CDKL5: variants seen among roughly 807,000 people sequenced by gnomAD.
The protein encoded by CDKL5 is cyclin dependent kinase like 5.
CDKL5 carries 8 observed loss-of-function variants against 61.7 expected under a neutral mutation model. That is an observed-to-expected ratio of 0.13 (90% CI 0.08 to 0.23). The LOEUF is 0.23. Ranked by LOEUF, CDKL5 falls within the 10% of genes least tolerant of loss-of-function variation. CDKL5 has a pLI of 1.00. For synonymous variants in CDKL5, 275 were observed against 272.3 expected (o/e 1.01, Z -0.10); for missense variants, 440 against 734.5 (o/e 0.60, Z 4.63).
At chrX:18,439,045 G>GCCCC (rs367844172) in intron 1 of CDKL5, among the ~76,000 whole-genome samples, 6 of 37,478 alleles carry the variant, frequency 1.6e-4, no homozygotes, top group South Asian at 6.5e-3. Flanking sequence ...GCCCCTTTTT[G>GCCCC]CCCCCCCCCC....
chrX:18,577,148 T>C (rs921150530), intron 5 of CDKL5, among the ~76,000 whole-genome samples: 2 of 112,144 alleles, frequency 1.8e-5, no homozygotes, highest in African/African-American at 6.5e-5. Context: ...TCTTAGTTTA[T>C]CCTTTTTATT....
At chrX:18,511,582 C>G (rs1391138583) in intron 3 of CDKL5, among the ~76,000 whole-genome samples, 1 of 111,503 alleles carries the variant, frequency 9.0e-6, no homozygotes, top group Non-Finnish European at 1.9e-5. Context: ...GGTTTGTAGC[C>G]TTGAAACAAT....
chrX:18,454,029 T>G (rs576313391), intron 1 of CDKL5, among the ~76,000 whole-genome samples: 2 of 111,600 alleles, frequency 1.8e-5, no homozygotes, highest in African/African-American at 6.5e-5. Flanking sequence ...GAAGAGGTGG[T>G]TAGTATCCTT....
At chrX:18,468,726 C>T (rs1007467128) in intron 1 of CDKL5, among the ~76,000 whole-genome samples, 1 of 111,286 alleles carries the variant, frequency 9.0e-6, no homozygotes, top group Non-Finnish European at 1.9e-5. Context: ...CTTCCCTCAC[C>T]CCCAGTACTA....
At chrX:18,488,399 A>G (rs1449540016) in intron 1 of CDKL5, among the ~76,000 whole-genome samples, 1 of 111,631 alleles carries the variant, frequency 9.0e-6, no homozygotes, top group African/African-American at 3.3e-5. Context: ...AAATGTTACA[A>G]TTGTTGTATT....
rs1927402912 is a variant in CDKL5, at chrX:18,636,848, A to G, written c.*8091A>G. 8.9e-6 allele frequency: 1 copy of G among 112,336 alleles called. No homozygotes were observed. Among genetic ancestry groups the G allele is most frequent in the Admixed American group, 9.4e-5 (1 of 10,629 alleles). The allele number at this position is 112,336 out of a possible 1,213,427, so 9.3% of individuals were successfully genotyped here. On this transcript the variant is annotated 3_prime_UTR_variant, in exon 18 of 18. Transcript: ENST00000623535. Reference sequence around the variant, plus strand: ...ACATATTCTTCTCTAAAAGCTCACAACAATTTATGTGCCACCTTCCATCCC... The same window carrying G: ...ACATATTCTTCTCTAAAAGCTCACAGCAATTTATGTGCCACCTTCCATCCC...
chrX:18,552,270 GAAAA>G (rs1924427963), intron 3 of CDKL5, among the ~76,000 whole-genome samples: 1 of 108,831 alleles, frequency 9.2e-6, no homozygotes, highest in Non-Finnish European at 1.9e-5. Flanking sequence ...AAGAAAGAAA[GAAAA>G]AACCCAAAAT....
intron 21 of CDKL5, among the ~76,000 whole-genome samples, chrX:18,651,996 A>G (rs1370213994): frequency 9.1e-6 from 1 of 109,675 alleles, no homozygotes; most frequent in East Asian, 2.9e-4. Flanking sequence ...GCCCGCCCTG[A>G]GCTGGCTGAG....
intron 3 of CDKL5, among the ~76,000 whole-genome samples, chrX:18,514,988 G>A (rs772352261): frequency 2.3e-4 from 25 of 110,489 alleles, no homozygotes; most frequent in African/African-American, 7.2e-4. Context: ...CAGTAGAGAC[G>A]GGGCTTCATT....
At chrX:18,624,887 A>G (rs10521682) in intron 16 of CDKL5, among the ~76,000 whole-genome samples, 1,369 of 112,111 alleles carry the variant, frequency 0.012, 23 homozygotes, top group African/African-American at 0.04. Context: ...GAGGTTTAAC[A>G]AAGCTGCATG....
At position 18,630,332 on chromosome X, in the gene CDKL5, A is replaced by G. The variant is rs1927199235; in HGVS notation, c.*1575A>G. ...CTCTGGGTCATCCTTGAGGGAAGTC[A>G]CCTCAGCACCATCATCTATCAGTAG... On this transcript the variant is annotated 3_prime_UTR_variant, in exon 18 of 18. Transcript: ENST00000623535. 2 of 753,593 alleles carry G rather than the reference A, an allele frequency of 2.7e-6. No individual in the cohort carries two copies. Among genetic ancestry groups the G allele is most frequent in the East Asian group, 1.5e-4 (1 of 6,640 alleles). 62.1% of individuals were successfully genotyped at this position (753,593 alleles called of 1,213,427 possible).
intron 1 of CDKL5, among the ~76,000 whole-genome samples, chrX:18,440,147 C>T (rs1309994554): frequency 1.8e-5 from 2 of 111,446 alleles, no homozygotes; most frequent in Admixed American, 1.9e-4. Flanking sequence ...GTAGGTTCTT[C>T]TGTAGCATAC....
At chrX:18,484,308 C>T (rs955214959) in intron 1 of CDKL5, among the ~76,000 whole-genome samples, 1 of 110,379 alleles carries the variant, frequency 9.1e-6, no homozygotes. Context: ...TATAAATATG[C>T]ATAATCAATT....
intron 2 of CDKL5, among the ~76,000 whole-genome samples, chrX:18,509,193 A>ACG (rs1491501340): frequency 1.9e-4 from 11 of 57,620 alleles, no homozygotes; most frequent in South Asian, 1.3e-3. Flanking sequence ...CTGTCTCAAA[A>ACG]CACGCACACA....
chrX:18,604,122 A>C lies in CDKL5; in HGVS notation c.1198A>C (p.Asn400His), dbSNP rs921600020. The C allele has an allele frequency of 1.7e-6, 2 of 1,211,843 alleles. No individual in the cohort carries two copies. ...GTCTACCAGCAAAGATCTCACCAAC[A>C]ACAACATACCACACCTTCTTAGCCC... ...PGSTSKDLTN[N>H]NIPHLLSPKE... The change falls in exon 12 of 18, where the codon AAC becomes CAC. Residue 400 changes from asparagine to histidine, a missense_variant. By Grantham distance (68) the Asn-to-His change is moderately conservative. Coordinates refer to ENST00000623535, the MANE Select transcript of CDKL5 (RefSeq NM_001323289.2).
At chrX:18,646,404 C>G (rs901643872) in intron 20 of CDKL5, among the ~76,000 whole-genome samples, 4 of 112,412 alleles carry the variant, frequency 3.6e-5, no homozygotes, top group Non-Finnish European at 7.5e-5. Context: ...TCTGCCCCCC[C>G]TCGGCCTCCC....
chrX:18,649,172 G>A (rs1029228058), intron 20 of CDKL5, among the ~76,000 whole-genome samples: 4 of 111,136 alleles, frequency 3.6e-5, no homozygotes, highest in Non-Finnish European at 7.5e-5. Flanking sequence ...TATTTAGGGG[G>A]TCTTGTGCTT....
intron 3 of CDKL5, among the ~76,000 whole-genome samples, chrX:18,548,543 A>G (rs547396253): frequency 1.8e-5 from 2 of 112,458 alleles, no homozygotes; most frequent in African/African-American, 6.5e-5. Context: ...TTCTCTGTAG[A>G]TATGGTTATG....
At chrX:18,651,264 T>TGTGTGTGTGTGTGTGTGAGAGA (rs1491242962) in intron 21 of CDKL5, among the ~76,000 whole-genome samples, 3 of 69,012 alleles carry the variant, frequency 4.3e-5, no homozygotes, top group African/African-American at 1.9e-4. Context: ...TGTGTGTGTG[T>TGTGTGTGTGTGTGTGTGAGAGA]GAGAGAGAGA....
Sources: allele counts gnomAD v4.1 joint callset (sites outside exome capture counted in the v4.1 genomes callset), GRCh38; gene constraint gnomAD v4.1.1; transcripts MANE v1.5; gene names NCBI Gene and HGNC (gene_info 2026-07-23, HGNC 2026-07-21).